The following ZNF521 variants were observed in gnomAD, a reference collection of about 807,000 sequenced individuals.
ZNF521 encodes LYST-interacting protein 3.
ZNF521 carries 14 observed loss-of-function variants against 105.5 expected under a neutral mutation model. The ratio of observed to expected loss-of-function variants is 0.13; its 90% CI spans 0.09 to 0.21. ZNF521 has a LOEUF of 0.21. Among genes scored for constraint, ZNF521 ranks in the 10% least tolerant of loss-of-function variants. ZNF521 has a pLI of 1.00. For synonymous variants in ZNF521, 635 were observed against 606.0 expected (o/e 1.05, Z -0.70); for missense variants, 1,233 against 1,629.7 (o/e 0.76, Z 4.19).
intron 3 of ZNF521, among the ~76,000 whole-genome samples, chr18:25,307,489 C>G (rs150207201): frequency 1.7e-3 from 259 of 152,294 alleles, no homozygotes; most frequent in African/African-American, 6.0e-3. Flanking sequence ...TCAGAGCAGT[C>G]TGAAAAATGC....
intron 2 of ZNF521, among the ~76,000 whole-genome samples, chr18:25,341,222 T>C (rs1197307907): frequency 3.9e-5 from 6 of 152,226 alleles, no homozygotes; most frequent in Admixed American, 3.9e-4. Context: ...CTGCACACTA[T>C]GGACTTTTTA....
intron 3 of ZNF521, among the ~76,000 whole-genome samples, chr18:25,320,205 T>A (rs556609693): frequency 3.3e-5 from 5 of 152,266 alleles, no homozygotes; most frequent in African/African-American, 9.6e-5. Context: ...AGAGTTTCGT[T>A]CTTGTTGCCC....
intron 5 of ZNF521, among the ~76,000 whole-genome samples, chr18:25,186,115 C>T (rs1187041177): frequency 6.6e-6 from 1 of 152,116 alleles, no homozygotes; most frequent in African/African-American, 2.4e-5. Flanking sequence ...ACTTTTCAGT[C>T]AGTGCTCAAA....
intron 2 of ZNF521, among the ~76,000 whole-genome samples, chr18:25,331,325 A>AC (rs1913554564): frequency 6.6e-6 from 1 of 152,166 alleles, no homozygotes; most frequent in Non-Finnish European, 1.5e-5. Flanking sequence ...TGCTAAAAAA[A>AC]AAAATCCACT....
At chr18:25,273,988 C>T (rs1170719167) in intron 3 of ZNF521, among the ~76,000 whole-genome samples, 1 of 152,004 alleles carries the variant, frequency 6.6e-6, no homozygotes, top group Non-Finnish European at 1.5e-5. Context: ...AAGCTGAGGG[C>T]CAGAAAAATT....
intron 3 of ZNF521, among the ~76,000 whole-genome samples, chr18:25,253,515 T>C (rs926682219): frequency 4.7e-4 from 72 of 152,194 alleles, no homozygotes; most frequent in Non-Finnish European, 8.4e-4. Context: ...TTTATTCTAT[T>C]TGATCTCCTT....
At chr18:25,250,493 C>T (rs1228897123) in intron 3 of ZNF521, among the ~76,000 whole-genome samples, 1 of 152,194 alleles carries the variant, frequency 6.6e-6, no homozygotes, top group African/African-American at 2.4e-5. Flanking sequence ...GTTCCTTTTA[C>T]TCCCATAAGA....
intron 3 of ZNF521, among the ~76,000 whole-genome samples, chr18:25,249,544 C>T (rs1414722452): frequency 6.6e-6 from 1 of 152,054 alleles, no homozygotes; most frequent in African/African-American, 2.4e-5. Context: ...TCACTGCAGC[C>T]TCTGCCTCCT....
In ZNF521 at chr18:25,228,240, T is replaced by C. The variant is rs746495892; in HGVS notation, c.221-543A>G. 5.3e-5 allele frequency among the ~76,000 whole-genome samples: 8 copies of C among 152,234 alleles called. No homozygotes were observed. The South Asian group carries it at 1.0e-3, about 20-fold the overall frequency. On this transcript the variant is annotated intron_variant, in intron 3 of 7. Coordinates refer to ENST00000361524, the MANE Select transcript of ZNF521 (RefSeq NM_015461.3). ...ACCAAAATCTGTTACGGGGTTCTTA[T>C]TGATACAGACCTTATTGCTTTCAGC...
intron 3 of ZNF521, among the ~76,000 whole-genome samples, chr18:25,295,256 C>A (rs1483159287): frequency 1.1e-4 from 16 of 152,150 alleles, no homozygotes; most frequent in Non-Finnish European, 2.1e-4. Context: ...TGGTTCCATA[C>A]TGTATGTATT....
At chr18:25,344,724 T>C (rs1914386900) in intron 2 of ZNF521, among the ~76,000 whole-genome samples, 1 of 152,238 alleles carries the variant, frequency 6.6e-6, no homozygotes, top group Non-Finnish European at 1.5e-5. Context: ...AATGATAATA[T>C]TTACATTTTT....
intron 3 of ZNF521, among the ~76,000 whole-genome samples, chr18:25,312,130 A>G (rs1018525653): frequency 1.3e-5 from 2 of 152,164 alleles, no homozygotes; most frequent in Non-Finnish European, 2.9e-5. Flanking sequence ...GGACATCAAA[A>G]TTACAGAGAA....
intron 5 of ZNF521, among the ~76,000 whole-genome samples, chr18:25,185,815 GGAA>G (rs2035712158): frequency 6.6e-6 from 1 of 152,178 alleles, no homozygotes; most frequent in South Asian, 2.1e-4. Context: ...AGAGGTAGCA[GGAA>G]AAAGTTTTTC....
At chr18:25,258,792 A>T (rs1378680756) in intron 3 of ZNF521, among the ~76,000 whole-genome samples, 5 of 152,138 alleles carry the variant, frequency 3.3e-5, no homozygotes, top group African/African-American at 1.2e-4. Flanking sequence ...ATAAAAGAAG[A>T]CCACTTATAT....
chr18:25,248,900 T>C (rs1420507906), intron 3 of ZNF521, among the ~76,000 whole-genome samples: 5 of 152,248 alleles, frequency 3.3e-5, no homozygotes, highest in Non-Finnish European at 5.9e-5. Context: ...CTCTTGCTTT[T>C]GTAAATAAAG....
intron 5 of ZNF521, among the ~76,000 whole-genome samples, chr18:25,118,187 C>T (rs1242871117): frequency 6.6e-6 from 1 of 151,744 alleles, no homozygotes; most frequent in Non-Finnish European, 1.5e-5. Context: ...AATTTTATAT[C>T]CAATAAAGAA....
chr18:25,129,516 C>T (rs1466859167), intron 5 of ZNF521, among the ~76,000 whole-genome samples: 1 of 151,620 alleles, frequency 6.6e-6, no homozygotes, highest in Non-Finnish European at 1.5e-5. Context: ...TTCTGCTCTG[C>T]AAAAGACAAT....
Position 25,255,996 on chromosome 18 carries a change from GGT to G in ZNF521, c.221-28301_221-28300del, listed in dbSNP as rs1600220356. Among the ~76,000 whole-genome samples the G allele has an allele frequency of 1.5e-4, 21 of 144,342 alleles. No homozygotes were observed. The East Asian group carries it at 4.2e-3, about 29-fold the overall frequency. 94.7% of individuals were successfully genotyped at this position (144,342 alleles called of 152,430 possible). Reference sequence around the variant, plus strand: ...TATGTTATATACATGGTATATATATGGTATATATATATGATATATATATGGTA... The same window carrying G: ...TATGTTATATACATGGTATATATATGATATATATATGATATATATATGGTA... On this transcript the variant is annotated intron_variant, in intron 3 of 7. Coordinates refer to ENST00000361524, the MANE Select transcript of ZNF521 (RefSeq NM_015461.3).
At chr18:25,082,614 T>C (rs139183776) in intron 7 of ZNF521, 22,805 of 434,358 alleles carry the variant, frequency 0.053, 709 homozygotes, top group Non-Finnish European at 0.065. Context: ...GGCGGGTGGA[T>C]TGCCTGAGCT....
Sources: allele counts gnomAD v4.1 joint callset (sites outside exome capture counted in the v4.1 genomes callset), GRCh38; gene constraint gnomAD v4.1.1; transcripts MANE v1.5; gene names NCBI Gene and HGNC (gene_info 2026-07-23, HGNC 2026-07-21).